Variants in HDAC7 observed in about 807,000 individuals in gnomAD.
The protein encoded by HDAC7 is histone deacetylase 7, also known as histone deacetylase 7A.
A neutral mutation model predicts 115.5 loss-of-function variants in HDAC7; 26 were observed. The observed-to-expected ratio is 0.23, with a 90% CI of 0.16 to 0.31. The LOEUF (loss-of-function observed/expected upper bound fraction) is 0.31. Among genes scored for constraint, HDAC7 ranks in the 10% least tolerant of loss-of-function variants. The pLI is 1.00. For missense variants in HDAC7, 1,068 were observed against 1,329.0 expected (o/e 0.80, Z 3.05); for synonymous variants, 564 against 550.9 (o/e 1.02, Z -0.33).
At chr12:47,800,988 C>T (rs1231682297) in intron 2 of HDAC7, among the ~76,000 whole-genome samples, 3 of 152,268 alleles carry the variant, frequency 2.0e-5, no homozygotes, top group Non-Finnish European at 4.4e-5. Flanking sequence ...TCAGCTTCCA[C>T]CTGTCACAAA....
intron 1 of HDAC7, among the ~76,000 whole-genome samples, chr12:47,818,960 T>A (rs1944928726): frequency 6.6e-6 from 1 of 152,166 alleles, no homozygotes; most frequent in South Asian, 2.1e-4. Flanking sequence ...ACTCTGGTCG[T>A]GGGAACCCAG....
rs1044104354 is a variant in HDAC7, at chr12:47,783,417, C to T, written c.*424G>A. 4.7e-6 allele frequency: 1 copy of T among 214,782 alleles called. No homozygotes were observed. Among genetic ancestry groups the T allele is most frequent in the Non-Finnish European group, 9.6e-6 (1 of 104,034 alleles). The allele number at this position is 214,782 out of a possible 1,614,324, so 13.3% of individuals were successfully genotyped here. A position where few individuals can be genotyped will look rare whatever the true frequency, so the allele number is the denominator to read the frequency against. The stretch of plus-strand genomic sequence containing the variant: ...CCCCTAGAGCCTAGGAAGGGCCAGC[C>T]TGTCTGAGGCCAAGTTCACATTTCT... On this transcript the variant is annotated 3_prime_UTR_variant, in exon 26 of 26. Transcript: ENST00000080059.
Position 47,791,927 on chromosome 12 carries a change from G to C in HDAC7, c.1756C>G (p.Arg586Gly). ...DNSRHPEHAG[R>G]IQSIWSRLQE... ...AGCCGGGACCAGATGCTCTGGATGC[G>C]GCCGGCGTGCTCCGGGTGCCTGCTG... The change falls in exon 14 of 26, where the codon CGC (arginine) becomes GGC (glycine). Residue 586 changes from arginine (R) to glycine (G), a missense_variant. Arg to Gly is a moderately radical substitution (Grantham distance 125). Coordinates refer to ENST00000080059, the MANE Select transcript of HDAC7 (RefSeq NM_015401.5). The C allele has an allele frequency of 6.2e-7, 1 of 1,611,116 alleles. No individual in the cohort carries two copies.
In HDAC7 at chr12:47,803,118, C is replaced by T. The variant is rs1198300478; in HGVS notation, c.20-844G>A. Among the ~76,000 whole-genome samples the T allele has an allele frequency of 1.3e-5, 2 of 152,130 alleles. No individual in the cohort carries two copies. The highest frequency in any genetic ancestry group is 2.9e-5 in the Non-Finnish European group (2 of 68,012). The stretch of plus-strand genomic sequence containing the variant: ...TCAGCAGCAGAAAGCCCCCAGGGGA[C>T]ATGGAGGCCAGCTGGGGTTGGAGAA... On this transcript the variant is annotated intron_variant, in intron 1 of 25. Coordinates refer to ENST00000080059, the MANE Select transcript of HDAC7 (RefSeq NM_015401.5). This position sits in a 1 kb window ranked among gnomAD's most constrained non-coding sequence, Gnocchi z 4.0.
chr12:47,805,392 A>AG (rs1944357682), intron 1 of HDAC7, among the ~76,000 whole-genome samples: 2 of 152,088 alleles, frequency 1.3e-5, no homozygotes, highest in African/African-American at 4.8e-5. Flanking sequence ...GATTAGCGGA[A>AG]AAGGAAGCAG....
At position 47,783,625 on chromosome 12, in the gene HDAC7, C is replaced by T. The variant is rs941666879; in HGVS notation, c.*216G>A. On this transcript the variant is annotated 3_prime_UTR_variant, in exon 26 of 26. Coordinates refer to ENST00000080059, the MANE Select transcript of HDAC7 (RefSeq NM_015401.5). ...CGAGAGCCCTGTGGGGGTCGCCGCC[C>T]AGCCCGTCTCCTCTCAGGGTCCTCT... The T allele has an allele frequency of 1.3e-4, 78 of 596,518 alleles. No homozygotes were observed. The highest frequency in any genetic ancestry group is 8.2e-4 in the African/African-American group (44 of 53,746). 37.0% of individuals were successfully genotyped at this position (596,518 alleles called of 1,614,324 possible). A position where few individuals can be genotyped will look rare whatever the true frequency, so the allele number is the denominator to read the frequency against.
chr12:47,791,504 G>A, intron 15 of HDAC7, 82 bp downstream of exon 15: 3 of 1,517,348 alleles, frequency 2.0e-6, no homozygotes, highest in Non-Finnish European at 2.7e-6. Flanking sequence ...GAGGCTGGCT[G>A]GGCGGGCAGA....
chr12:47,821,204 G>A (rs1211252522), upstream of HDAC7, among the ~76,000 whole-genome samples: 1 of 152,222 alleles, frequency 6.6e-6, no homozygotes, highest in Non-Finnish European at 1.5e-5. Flanking sequence ...AGTCATGTCT[G>A]ATTGGAAGCA....
chr12:47,817,601 G>T (rs1165360745), intron 1 of HDAC7: 1 of 152,364 alleles, frequency 6.6e-6, no homozygotes, highest in Non-Finnish European at 1.5e-5. Context: ...GCTGTGGAGG[G>T]TGGGCCAGCA....
Position 47,795,252 on chromosome 12 carries a change from C to T in HDAC7, c.1216G>A (p.Ala406Thr), listed in dbSNP as rs776838819. 12 of 1,611,654 alleles carry T rather than the reference C, an allele frequency of 7.4e-6. No individual in the cohort carries two copies. Among genetic ancestry groups the T allele is most frequent in the East Asian group, 6.7e-5 (3 of 44,870 alleles). Residue 406 changes from alanine (A) to threonine (T), a missense_variant, in exon 11 of 26, where the codon GCT becomes ACT. Physicochemically the swap from Ala to Thr is moderately conservative, Grantham distance 58. Coordinates refer to ENST00000080059, the MANE Select transcript of HDAC7 (RefSeq NM_015401.5). This position sits in a 1 kb window ranked among gnomAD's most constrained non-coding sequence, Gnocchi z 4.3. ...RSEPLPPSAT[A>T]PPPPGPMQPR... ...TGCATGGGGCCCGGCGGTGGGGGAG[C>T]GGTGGCACTGGGGGGCAGGGGCTCT...
In HDAC7 at chr12:47,819,759, G is replaced by GT. The variant is rs958896848; in HGVS notation, c.19+7dup. On this transcript the variant is annotated splice_region_variant and intron_variant, in intron 1 of 25. Coordinates refer to ENST00000080059, the MANE Select transcript of HDAC7 (RefSeq NM_015401.5). ...GGGCGGGGCGGGGGGCGGCCGCCCAGTACTCACCAGCGCCGGGGCTGTGCA... is the reference window on the plus strand; with the variant it reads ...GGGCGGGGCGGGGGGCGGCCGCCCAGTTACTCACCAGCGCCGGGGCTGTGCA... 4 of 858,046 alleles carry GT rather than the reference G, an allele frequency of 4.7e-6. No individual in the cohort carries two copies. The African/African-American group carries it at 7.4e-5, about 16-fold the overall frequency. 53.2% of individuals were successfully genotyped at this position (858,046 alleles called of 1,614,324 possible). A position where few individuals can be genotyped will look rare whatever the true frequency, so the allele number is the denominator to read the frequency against.
intron 1 of HDAC7, among the ~76,000 whole-genome samples, chr12:47,811,322 A>G (rs1206385793): frequency 6.6e-6 from 1 of 152,156 alleles, no homozygotes; most frequent in African/African-American, 2.4e-5. Flanking sequence ...AAATCCAGCT[A>G]GGGTGCTTAC....
intron 16 of HDAC7, chr12:47,790,137 T>C (rs1373736584): frequency 8.8e-6 from 5 of 566,144 alleles, no homozygotes; most frequent in Middle Eastern, 4.7e-4. Flanking sequence ...ACCAGCCCAT[T>C]ATCTGGCCAG....
intron 19 of HDAC7, 123 bp from the exon 20 acceptor site, chr12:47,788,287 G>C: frequency 7.7e-7 from 1 of 1,293,916 alleles, no homozygotes; most frequent in Non-Finnish European, 1.0e-6. Flanking sequence ...CAGGAACCTG[G>C]GGTTCCTAAA....
intron 1 of HDAC7, among the ~76,000 whole-genome samples, chr12:47,810,842 C>CTCTCTA (rs1308908903): frequency 3.2e-4 from 30 of 93,232 alleles, no homozygotes; most frequent in South Asian, 1.3e-3. Context: ...CTCTCTCTCT[C>CTCTCTA]TCTCTATCTC....
In HDAC7 at chr12:47,783,859, T is replaced by G. The variant is rs1942992492; in HGVS notation, c.2958A>C (p.Glu986Asp). 2 of 1,611,898 alleles carry G rather than the reference T, an allele frequency of 1.2e-6. No individual in the cohort carries two copies. The highest frequency in any genetic ancestry group is 1.7e-6 in the Non-Finnish European group (2 of 1,179,454). The change falls in exon 26 of 26, where the codon GAA becomes GAC. Residue 986 changes from glutamate (E) to aspartate (D), a missense_variant. Physicochemically the swap from Glu to Asp is conservative, Grantham distance 45. Transcript: ENST00000080059. ...DRPSEQLVEE[E>D]EPMNL ...CAGAGCCTTAGAGATTCATAGGTTC[T>G]TCCTCCTCCACCAGCTGCTCCGAGG...
intron 1 of HDAC7, among the ~76,000 whole-genome samples, chr12:47,807,981 G>A (rs756635360): frequency 9.8e-5 from 15 of 152,356 alleles, no homozygotes; most frequent in Non-Finnish European, 2.1e-4. Flanking sequence ...TATAGGCAGA[G>A]GAGCCAGCTG....
intron 2 of HDAC7, among the ~76,000 whole-genome samples, chr12:47,800,383 T>A (rs1944104337): frequency 1.3e-5 from 2 of 152,220 alleles, no homozygotes; most frequent in East Asian, 1.9e-4. Flanking sequence ...TAGGCTGTCA[T>A]TAAAGGGCAT....
rs1266843002 is a variant in HDAC7 at position 47,791,898 on chromosome 12, C to T, written c.1785G>A (p.Gln595=). The T allele has an allele frequency of 1.2e-6, 2 of 1,611,530 alleles. No homozygotes were observed. Among genetic ancestry groups the T allele is most frequent in the Admixed American group, 3.3e-5 (2 of 59,934 alleles). The change falls in exon 14 of 26, where the codon CAG becomes CAA. Residue 595 remains glutamine, a synonymous_variant. Transcript: ENST00000080059. ...CACACTGGCTCCGGAGCCCCCGCTC[C>T]TGCAGCCGGGACCAGATGCTCTGGA... The part of the protein sequence containing the change: ...GRIQSIWSRL[Q]ERGLRSQCEC...
Sources: allele counts gnomAD v4.1 joint callset (sites outside exome capture counted in the v4.1 genomes callset), GRCh38; gene constraint gnomAD v4.1.1; non-coding constraint Gnocchi (gnomAD v3.1); transcripts MANE v1.5; gene names NCBI Gene and HGNC (gene_info 2026-07-23, HGNC 2026-07-21).